CCDC60: variants seen among roughly 807,000 people sequenced by gnomAD.
The protein encoded by CCDC60 is coiled-coil domain containing 60.
In CCDC60, 54 loss-of-function variants were observed where a neutral mutation model predicts 63.5. The ratio of observed to expected loss-of-function variants is 0.85; its 90% CI spans 0.68 to 1.07. CCDC60 has a LOEUF of 1.07. CCDC60 is among the 50% of genes least tolerant of loss of function. The pLI is 0.00. For missense variants in CCDC60, 651 were observed against 684.3 expected (o/e 0.95, Z 0.54); for synonymous variants, 206 against 238.8 (o/e 0.86, Z 1.27).
intron 4 of CCDC60, 42 bp downstream of exon 4, chr12:119,479,243 T>C: frequency 7.0e-7 from 1 of 1,430,472 alleles, no homozygotes; most frequent in South Asian, 1.2e-5. Flanking sequence ...TGCTAGCTTA[T>C]AAATTGAAGC....
intron 1 of CCDC60, among the ~76,000 whole-genome samples, chr12:119,336,365 G>A (rs939149088): frequency 6.6e-6 from 1 of 152,224 alleles, no homozygotes; most frequent in African/African-American, 2.4e-5. Context: ...TTCTCTTAAA[G>A]AGTGAAAACG....
intron 2 of CCDC60, among the ~76,000 whole-genome samples, chr12:119,441,250 T>C (rs1950438856): frequency 6.6e-6 from 1 of 152,182 alleles, no homozygotes; most frequent in Admixed American, 6.5e-5. Context: ...TCCATATTTA[T>C]TTAATTTTAA....
chr12:119,423,852 T>C (rs772353338), intron 1 of CCDC60, among the ~76,000 whole-genome samples: 2 of 152,238 alleles, frequency 1.3e-5, no homozygotes, highest in Non-Finnish European at 1.5e-5. Flanking sequence ...TGATCCAGTA[T>C]GTTAAAATAA....
intron 2 of CCDC60, among the ~76,000 whole-genome samples, chr12:119,431,557 T>C (rs1223930348): frequency 1.3e-5 from 2 of 152,256 alleles, no homozygotes; most frequent in Non-Finnish European, 2.9e-5. Context: ...TAATTTCTAA[T>C]CTTCTGGCTA....
At chr12:119,343,668 A>G (rs1955555810) in intron 1 of CCDC60, among the ~76,000 whole-genome samples, 1 of 149,286 alleles carries the variant, frequency 6.7e-6, no homozygotes, top group Non-Finnish European at 1.5e-5. Context: ...AACTATATAT[A>G]TATATATATA....
chr12:119,508,886 G>A (rs754627655), intron 7 of CCDC60, among the ~76,000 whole-genome samples: 7 of 151,912 alleles, frequency 4.6e-5, no homozygotes, highest in Non-Finnish European at 7.4e-5. Flanking sequence ...AGAGTAGAGC[G>A]ATAGCCCAGC....
At chr12:119,492,054 G>A (rs975961588) in intron 5 of CCDC60, among the ~76,000 whole-genome samples, 14 of 152,160 alleles carry the variant, frequency 9.2e-5, no homozygotes, top group African/African-American at 2.7e-4. Context: ...GCGCTCCGAG[G>A]ATGCCCAGCT....
At chr12:119,351,440 C>T (rs1955655766) in intron 1 of CCDC60, among the ~76,000 whole-genome samples, 2 of 152,190 alleles carry the variant, frequency 1.3e-5, no homozygotes, top group Non-Finnish European at 2.9e-5. Context: ...TTAATTGGCT[C>T]ATGGCTCTGC....
chr12:119,440,083 G>T (rs891407818), intron 2 of CCDC60, among the ~76,000 whole-genome samples: 1 of 152,052 alleles, frequency 6.6e-6, no homozygotes, highest in Non-Finnish European at 1.5e-5. Flanking sequence ...GCCGGGGATG[G>T]AGAGCATTAG....
intron 11 of CCDC60, among the ~76,000 whole-genome samples, chr12:119,526,500 T>C (rs1352935092): frequency 3.3e-5 from 5 of 152,190 alleles, no homozygotes; most frequent in African/African-American, 1.2e-4. Flanking sequence ...GAGAAAATAT[T>C]TGCAAACTAT....
intron 2 of CCDC60, among the ~76,000 whole-genome samples, chr12:119,470,043 A>G (rs1951026653): frequency 6.6e-6 from 1 of 152,180 alleles, no homozygotes; most frequent in Admixed American, 6.5e-5. Context: ...CTGCATTGTC[A>G]GCTTTAGCTC....
chr12:119,477,912 A>G (rs1000936315), intron 3 of CCDC60, among the ~76,000 whole-genome samples: 2 of 152,180 alleles, frequency 1.3e-5, no homozygotes, highest in African/African-American at 2.4e-5. Context: ...ACGCACACAC[A>G]CACACACTCA....
chr12:119,405,981 GACCA>G (rs1422074996), intron 1 of CCDC60, among the ~76,000 whole-genome samples: 1 of 152,146 alleles, frequency 6.6e-6, no homozygotes, highest in Non-Finnish European at 1.5e-5. Flanking sequence ...AGACCAGCCT[GACCA>G]ACATAGAGAA....
Position 119,464,305 on chromosome 12 carries a change from C to CA in CCDC60, c.171-7689_171-7688insA, listed in dbSNP as rs1050496223. ...AGAGTTGGGTTGCAAGAGCAACCCCCCCCCCACTCTTCCTTACTTCCTCTT... is the reference window on the plus strand; with the variant it reads ...AGAGTTGGGTTGCAAGAGCAACCCCCACCCCCACTCTTCCTTACTTCCTCTT... On this transcript the variant is annotated intron_variant, in intron 2 of 13. Coordinates refer to ENST00000327554, the MANE Select transcript of CCDC60 (RefSeq NM_178499.5). Among the ~76,000 whole-genome samples the CA allele has an allele frequency of 2.4e-5, 3 of 123,844 alleles. 1 individual carries two copies. Among genetic ancestry groups the CA allele is most frequent in the African/African-American group, 9.7e-5 (3 of 31,008 alleles). 81.2% of individuals were successfully genotyped at this position (123,844 alleles called of 152,430 possible). A position where few individuals can be genotyped will look rare whatever the true frequency, so the allele number is the denominator to read the frequency against.
At chr12:119,516,473 C>T in intron 7 of CCDC60, 150 bp from the exon 8 acceptor site, 2 of 591,488 alleles carry the variant, frequency 3.4e-6, no homozygotes, top group Non-Finnish European at 6.0e-6. Context: ...CACTATCAGC[C>T]ACCTCTTCTG....
intron 1 of CCDC60, among the ~76,000 whole-genome samples, chr12:119,397,275 G>A (rs985577013): frequency 3.3e-5 from 5 of 152,298 alleles, no homozygotes; most frequent in East Asian, 1.9e-4. Context: ...GACCTGAGCC[G>A]GTTGCCTCTA....
intron 5 of CCDC60, among the ~76,000 whole-genome samples, chr12:119,494,494 G>C (rs1026702935): frequency 6.6e-6 from 1 of 152,172 alleles, no homozygotes; most frequent in Non-Finnish European, 1.5e-5. Context: ...CCACTGTTTA[G>C]TGGGGAGACC....
At chr12:119,539,610 T>C (rs1953100575) in intron 13 of CCDC60, among the ~76,000 whole-genome samples, 1 of 152,232 alleles carries the variant, frequency 6.6e-6, no homozygotes, top group African/African-American at 2.4e-5. Flanking sequence ...GGATCTTAGC[T>C]TGCTGGGCTC....
At chr12:119,539,283 C>T (rs1566071525) in intron 13 of CCDC60, among the ~76,000 whole-genome samples, 1 of 152,230 alleles carries the variant, frequency 6.6e-6, no homozygotes, top group Non-Finnish European at 1.5e-5. Flanking sequence ...GCTGAAGCTG[C>T]ACCCACAACC....
Sources: allele counts gnomAD v4.1 joint callset (sites outside exome capture counted in the v4.1 genomes callset), GRCh38; gene constraint gnomAD v4.1.1; transcripts MANE v1.5; gene names NCBI Gene and HGNC (gene_info 2026-07-23, HGNC 2026-07-21).